The following IGSF6 variants were observed in gnomAD, a reference collection of about 807,000 sequenced individuals.
IGSF6 encodes immunoglobulin superfamily member 6, also known as down-regulated by activation (immunoglobulin superfamily).
Under a neutral mutation model 24.7 loss-of-function variants are expected in IGSF6, and 23 were observed. The ratio of observed to expected loss-of-function variants is 0.93; its 90% CI spans 0.67 to 1.32. The LOEUF is 1.32. Among genes scored for constraint, IGSF6 ranks in the 40% most tolerant of loss-of-function variants. IGSF6 has a pLI of 0.00. For missense variants in IGSF6, 295 were observed against 293.6 expected (o/e 1.00, Z -0.04); for synonymous variants, 110 against 113.7 (o/e 0.97, Z 0.21).
In IGSF6 at chr16:21,641,429, A is replaced by G. The variant is rs1333555799; in HGVS notation, c.*105T>C. 1.1e-5 allele frequency: 6 copies of G among 538,918 alleles called. No individual in the cohort carries two copies. The highest frequency in any genetic ancestry group is 1.9e-5 in the Non-Finnish European group (6 of 309,308). The allele number at this position is 538,918 out of a possible 1,614,324, so 33.4% of individuals were successfully genotyped here. A position where few individuals can be genotyped will look rare whatever the true frequency, so the allele number is the denominator to read the frequency against. On this transcript the variant is annotated 3_prime_UTR_variant, in exon 6 of 6. Transcript: ENST00000268389. ...CTTCTTTGTAGCCAGTTGTCTTTTC[A>G]GTTTACCTTTATTTTTTTTTAAGAC...
At chr16:21,650,516 A>AG in intron 1 of IGSF6, among the ~76,000 whole-genome samples, 1 of 151,826 alleles carries the variant, frequency 6.6e-6, no homozygotes, top group Admixed American at 6.5e-5. Flanking sequence ...CTCAAAAAAA[A>AG]AAAAAAAAAA....
intron 3 of IGSF6, among the ~76,000 whole-genome samples, chr16:21,643,896 G>A (rs897110080): frequency 7.2e-5 from 11 of 151,980 alleles, no homozygotes; most frequent in African/African-American, 2.7e-4. Flanking sequence ...ATTTTAAGGC[G>A]GCTTTTAGTT....
At chr16:21,645,900 T>C (rs923480657) in intron 2 of IGSF6, among the ~76,000 whole-genome samples, 2 of 152,204 alleles carry the variant, frequency 1.3e-5, no homozygotes, top group African/African-American at 4.8e-5. Flanking sequence ...TAAACTAAGG[T>C]TAAATGACAT....
At chr16:21,647,039 T>G in intron 2 of IGSF6, 94 bp downstream of exon 2, 6 of 1,547,910 alleles carry the variant, frequency 3.9e-6, no homozygotes, top group Non-Finnish European at 5.4e-6. Context: ...ACTTAGCAAA[T>G]TTATCTCCTG....
intron 1 of IGSF6, among the ~76,000 whole-genome samples, chr16:21,649,441 C>G (rs1966512949): frequency 6.6e-6 from 1 of 152,102 alleles, no homozygotes; most frequent in Non-Finnish European, 1.5e-5. Context: ...CTGTGGGAGG[C>G]CCAGCTCAGC....
chr16:21,646,192 T>C (rs1201220480), intron 2 of IGSF6, among the ~76,000 whole-genome samples: 1 of 152,152 alleles, frequency 6.6e-6, no homozygotes, highest in Non-Finnish European at 1.5e-5. Context: ...AATCTCAGTT[T>C]ACTCAAGGGA....
rs566295257 is a variant in IGSF6, at chr16:21,646,171, G to A, written c.427+962C>T. On this transcript the variant is annotated intron_variant, in intron 2 of 5. Transcript: ENST00000268389. Reference sequence around the variant, plus strand: ...CTGAAATTCCCCCTTTTTTTTTCTCGGGAATGTCTTAATCTCAGTTTACTC... The same window carrying A: ...CTGAAATTCCCCCTTTTTTTTTCTCAGGAATGTCTTAATCTCAGTTTACTC... 7.4e-5 allele frequency among the ~76,000 whole-genome samples: 11 copies of A among 149,596 alleles called. No homozygotes were observed. In the South Asian group the frequency reaches 2.1e-3, roughly 29 times the overall value.
At chr16:21,644,250 A>T (rs375710212) in intron 3 of IGSF6, 40 bp downstream of exon 3, 12 of 1,336,072 alleles carry the variant, frequency 9.0e-6, no homozygotes, top group Admixed American at 1.7e-5. Flanking sequence ...GATAATATTC[A>T]AGGATATAGG....
At chr16:21,645,877 T>C (rs1468902841) in intron 2 of IGSF6, among the ~76,000 whole-genome samples, 1 of 152,206 alleles carries the variant, frequency 6.6e-6, no homozygotes, top group Non-Finnish European at 1.5e-5. Context: ...ATAATTTAGC[T>C]GACAGATGAG....
intron 1 of IGSF6, among the ~76,000 whole-genome samples, chr16:21,651,210 G>A (rs1966566531): frequency 6.6e-6 from 1 of 152,124 alleles, no homozygotes. Context: ...GTGACAGAGC[G>A]AGACTCCGTC....
intron 2 of IGSF6, among the ~76,000 whole-genome samples, chr16:21,645,316 G>A (rs1366091069): frequency 6.6e-6 from 1 of 152,154 alleles, no homozygotes; most frequent in Non-Finnish European, 1.5e-5. Context: ...AGCTGGGCGT[G>A]GTCGCACATG....
At chr16:21,646,495 TACTC>T (rs1046927445) in intron 2 of IGSF6, 2 of 158,242 alleles carry the variant, frequency 1.3e-5, no homozygotes, top group African/African-American at 2.4e-5. Flanking sequence ...AGCTGATAGT[TACTC>T]ACCACAAGGT....
At chr16:21,650,517 A>G (rs1966543286) in intron 1 of IGSF6, among the ~76,000 whole-genome samples, 1 of 151,720 alleles carries the variant, frequency 6.6e-6, no homozygotes, top group South Asian at 2.1e-4. Flanking sequence ...TCAAAAAAAA[A>G]AAAAAAAAAA....
In IGSF6 at chr16:21,644,367, T is replaced by G; in HGVS notation, c.457A>C (p.Ser153Arg). Residue 153 changes from serine to arginine, a missense_variant, in exon 3 of 6, where the codon AGC (serine) becomes CGC (arginine). Transcript: ENST00000268389. ...EIKLLSKELRSFLTALVSLLS... is the reference protein window; with the variant it reads ...EIKLLSKELRRFLTALVSLLS... The stretch of plus-strand genomic sequence containing the variant: ...AGTGATACAAGAGCTGTCAGGAAGC[T>G]CCGCAGTTCCTTGCTGAGCAGCTTA... The G allele has an allele frequency of 2.5e-6, 4 of 1,613,826 alleles. No homozygotes were observed. Among genetic ancestry groups the G allele is most frequent in the Non-Finnish European group, 3.4e-6 (4 of 1,179,812 alleles).
At chr16:21,651,480 G>A (rs1427443285) in intron 1 of IGSF6, among the ~76,000 whole-genome samples, 1 of 151,534 alleles carries the variant, frequency 6.6e-6, no homozygotes, top group Non-Finnish European at 1.5e-5. Context: ...TTTTTTTCTT[G>A]TGTAGAAATG....
intron 1 of IGSF6, chr16:21,651,759 A>AT (rs1202205417): frequency 1.3e-5 from 2 of 152,122 alleles, no homozygotes. Context: ...AATCCCAGCC[A>AT]TTTTATCTGC....
At chr16:21,642,953 A>G (rs750243081) in intron 5 of IGSF6, 121 bp downstream of exon 5, 69 of 618,436 alleles carry the variant, frequency 1.1e-4, no homozygotes, top group Admixed American at 2.7e-5. Flanking sequence ...CATTCTTGTG[A>G]AAGTTCTCTT....
intron 5 of IGSF6, 63 bp downstream of exon 5, chr16:21,643,011 C>G (rs996015047): frequency 3.1e-5 from 34 of 1,084,316 alleles, no homozygotes; most frequent in Non-Finnish European, 4.6e-5. Flanking sequence ...TCCTTGGCAG[C>G]TTAGTTTTTT....
In IGSF6 at chr16:21,640,754, G is replaced by A. The variant is rs1384793585; in HGVS notation, c.*780C>T. On this transcript the variant is annotated 3_prime_UTR_variant, in exon 6 of 6. Transcript: ENST00000268389. ...TGCACTCCACCCTGGGCAACAGAAC[G>A]AGACTCTGTCTCAAAAAAAAAAAAA... 1.5e-5 allele frequency: 2 copies of A among 136,776 alleles called. No homozygotes were observed. The highest frequency in any genetic ancestry group is 3.1e-5 in the Non-Finnish European group (2 of 65,242). The allele number at this position is 136,776 out of a possible 1,614,324, so 8.5% of individuals were successfully genotyped here. A position where few individuals can be genotyped will look rare whatever the true frequency, so the allele number is the denominator to read the frequency against.
Sources: allele counts gnomAD v4.1 joint callset (sites outside exome capture counted in the v4.1 genomes callset), GRCh38; gene constraint gnomAD v4.1.1; transcripts MANE v1.5; gene names NCBI Gene and HGNC (gene_info 2026-07-23, HGNC 2026-07-21).